Variants in WWP2 observed in about 807,000 individuals in gnomAD.
WWP2 encodes the protein WW domain containing E3 ubiquitin protein ligase 2.
WWP2 carries 57 observed loss-of-function variants against 121.0 expected under a neutral mutation model. That is an observed-to-expected ratio of 0.47 (90% confidence interval 0.38 to 0.59). WWP2 has a LOEUF of 0.59. Ranked by LOEUF, WWP2 falls within the 20% of genes least tolerant of loss-of-function variation. The pLI is 0.00. For missense variants in WWP2, 962 were observed against 1,158.9 expected (o/e 0.83, Z 2.47); for synonymous variants, 449 against 441.3 (o/e 1.02, Z -0.22).
At chr16:69,885,611 C>T (rs74029736) in intron 7 of WWP2, among the ~76,000 whole-genome samples, 6 of 152,208 alleles carry the variant, frequency 3.9e-5, no homozygotes, top group Admixed American at 3.9e-4. Flanking sequence ...TTATAATCTT[C>T]GGTTGAATTA....
chr16:69,783,009 CTTTTTTTTTT>C (rs373297375), intron 1 of WWP2: 1 of 122,020 alleles, frequency 8.2e-6, no homozygotes, highest in Non-Finnish European at 1.7e-5. Flanking sequence ...GGCTTTTGTC[CTTTTTTTTTT>C]TTTTTTTTTG....
In WWP2 at chr16:69,929,541, G is replaced by A. The variant is rs2058683313; in HGVS notation, c.1316+12G>A. ...CCCCGGACCCAGGGGTAAGGACTTG[G>A]GCTGAGAGGGGGGCCGGGCTGGGCT... On this transcript the variant is annotated intron_variant, in intron 12 of 23. Coordinates refer to ENST00000359154, the MANE Select transcript of WWP2 (RefSeq NM_001270454.2). 1 of 1,613,596 alleles carries A rather than the reference G, an allele frequency of 6.2e-7. No homozygotes were observed. Among genetic ancestry groups the A allele is most frequent in the Non-Finnish European group, 8.5e-7 (1 of 1,179,556 alleles).
At chr16:69,763,547 GT>G (rs1466912565) in intron 1 of WWP2, among the ~76,000 whole-genome samples, 3 of 152,208 alleles carry the variant, frequency 2.0e-5, no homozygotes, top group Non-Finnish European at 4.4e-5. Context: ...ATGAGTTCAA[GT>G]TTTTGGAGTT....
In WWP2 at chr16:69,855,134, G is replaced by A. The variant is rs550548473; in HGVS notation, c.575+13014G>A. 6.6e-5 allele frequency among the ~76,000 whole-genome samples: 10 copies of A among 152,346 alleles called. No homozygotes were observed. In the South Asian group the frequency reaches 8.3e-4, roughly 13 times the overall value. ...AGTGCTGGGATTACAGGCATGAGCCGCTGAGCCCCAGCCGGCTTTTCATTT... is the reference window on the plus strand; with the variant it reads ...AGTGCTGGGATTACAGGCATGAGCCACTGAGCCCCAGCCGGCTTTTCATTT... On this transcript the variant is annotated intron_variant, in intron 6 of 23. Transcript: ENST00000359154.
intron 19 of WWP2, 107 bp downstream of exon 19, chr16:69,936,559 C>T: frequency 2.0e-6 from 3 of 1,488,008 alleles, no homozygotes; most frequent in Non-Finnish European, 1.8e-6. Flanking sequence ...CTGTGGATGC[C>T]ATTTGCATTT....
In WWP2 at chr16:69,903,000, A is replaced by C. The variant is rs566199608; in HGVS notation, c.915-5761A>C. On this transcript the variant is annotated intron_variant, in intron 8 of 23. Transcript: ENST00000359154. ...ACCCGCAGGGACATTTAATCTGAGC[A>C]GGGGTCCAACTGCAAAAGGAAAAAA... Among the ~76,000 whole-genome samples, 6 of 152,340 alleles carry C rather than the reference A, an allele frequency of 3.9e-5. No individual in the cohort carries two copies. The South Asian group carries it at 1.2e-3, about 32-fold the overall frequency.
chr16:69,886,562 C>T (rs2057928955), intron 7 of WWP2, among the ~76,000 whole-genome samples: 2 of 152,182 alleles, frequency 1.3e-5, no homozygotes, highest in South Asian at 4.1e-4. Context: ...GAGTTCGAGA[C>T]CAACCTGGCC....
At chr16:69,765,076 C>T (rs539959482) in intron 1 of WWP2, among the ~76,000 whole-genome samples, 2 of 152,072 alleles carry the variant, frequency 1.3e-5, no homozygotes, top group South Asian at 2.1e-4. Context: ...CAGTGGCGCC[C>T]GCCTGGCTAC....
In WWP2 at chr16:69,937,562, C is replaced by T. The variant is rs1402597135; in HGVS notation, c.2253C>T (p.Gly751=). Residue 751 remains glycine (G), a synonymous_variant, in exon 21 of 24, where the codon GGC becomes GGT. Transcript: ENST00000359154. This position sits in a 1 kb window ranked among gnomAD's most constrained non-coding sequence, Gnocchi z 6.6. ...DEKELELMLC[G]MQEIDMSDWQ... ...CCTCTCCCCAGCTGATGCTGTGCGG[C>T]ATGCAGGAGATAGACATGAGCGACT... The T allele has an allele frequency of 2.5e-6, 4 of 1,613,992 alleles. No individual in the cohort carries two copies. The Admixed American group carries it at 6.7e-5, about 27-fold the overall frequency.
chr16:69,843,592 C>T (rs991060290), intron 6 of WWP2, among the ~76,000 whole-genome samples: 1 of 152,052 alleles, frequency 6.6e-6, no homozygotes, highest in African/African-American at 2.4e-5. Context: ...CGAGGCCAGG[C>T]ACAGTGGCTC....
chr16:69,795,928 G>A (rs896165083), intron 2 of WWP2, among the ~76,000 whole-genome samples: 4 of 151,748 alleles, frequency 2.6e-5, no homozygotes, highest in South Asian at 2.1e-4. Context: ...GATTACAGGC[G>A]TGAGCCACCA....
intron 8 of WWP2, among the ~76,000 whole-genome samples, chr16:69,906,943 A>G (rs1567422219): frequency 6.6e-6 from 1 of 152,240 alleles, no homozygotes; most frequent in African/African-American, 2.4e-5. Context: ...GGGAAAAGTG[A>G]GTAGGAATGT....
chr16:69,786,292 C>T (rs2055787988), intron 1 of WWP2, among the ~76,000 whole-genome samples: 1 of 151,628 alleles, frequency 6.6e-6, no homozygotes, highest in Non-Finnish European at 1.5e-5. Context: ...TACAGGCACC[C>T]ACCACTATGC....
chr16:69,939,894 A>C lies in WWP2; in HGVS notation c.2567A>C (p.Lys856Thr). The C allele has an allele frequency of 6.2e-7, 1 of 1,613,998 alleles. No homozygotes were observed. The highest frequency in any genetic ancestry group is 8.5e-7 in the Non-Finnish European group (1 of 1,179,944). ...PYKSYEQLRE[K>T]LLYAIEETEG... ...AAGAGCTACGAACAGCTGAGAGAGA[A>C]GCTGCTGTATGCCATTGAGGAGACC... Residue 856 changes from lysine (K) to threonine (T), a missense_variant, in exon 24 of 24, where the codon AAG becomes ACG. Lys to Thr is a moderately conservative substitution (Grantham distance 78). Transcript: ENST00000359154.
chr16:69,851,003 C>T (rs2057198800), intron 6 of WWP2, among the ~76,000 whole-genome samples: 1 of 138,028 alleles, frequency 7.2e-6, no homozygotes. Flanking sequence ...AGGTTTCACT[C>T]TTTAATTTTT....
At chr16:69,939,005 G>A in intron 21 of WWP2, 22 bp from the exon 22 acceptor site, 1 of 1,586,252 alleles carries the variant, frequency 6.3e-7, no homozygotes, top group Non-Finnish European at 8.6e-7. Flanking sequence ...GCCTGACTGT[G>A]CCTTGACTTG....
intron 1 of WWP2, among the ~76,000 whole-genome samples, chr16:69,780,255 C>CTTTTTTTTTTT (rs74895198): frequency 7.4e-6 from 1 of 135,078 alleles, no homozygotes. Context: ...TGCCACTTGC[C>CTTTTTTTTTTT]TTTTTTTTTT....
intron 21 of WWP2, 63 bp from the exon 22 acceptor site, chr16:69,938,964 C>A: frequency 6.7e-7 from 1 of 1,485,316 alleles, no homozygotes; most frequent in Admixed American, 2.0e-5. Context: ...GAGAGCTCCA[C>A]GTTCGGGCAA....
In WWP2 at chr16:69,782,879, CA is replaced by C. The variant is rs1229331893; in HGVS notation, c.-15-4116del. On this transcript the variant is annotated intron_variant, in intron 1 of 23. Transcript: ENST00000359154. Reference sequence around the variant, plus strand: ...AGAGCCAAGGTCTCACTATGTTGCCCAGGCTGGTCTTGAATTCCTGCGCTCA... The same window carrying C: ...AGAGCCAAGGTCTCACTATGTTGCCCGGCTGGTCTTGAATTCCTGCGCTCA... Among the ~76,000 whole-genome samples the C allele has an allele frequency of 2.6e-5, 4 of 152,276 alleles. No individual in the cohort carries two copies. In the East Asian group the frequency reaches 7.7e-4, roughly 29 times the overall value.
Sources: allele counts gnomAD v4.1 joint callset (sites outside exome capture counted in the v4.1 genomes callset), GRCh38; gene constraint gnomAD v4.1.1; non-coding constraint Gnocchi (gnomAD v3.1); transcripts MANE v1.5; gene names NCBI Gene and HGNC (gene_info 2026-07-23, HGNC 2026-07-21).